The following NRXN1 variants were observed in gnomAD, a reference collection of about 807,000 sequenced individuals.
The protein encoded by NRXN1 is neurexin 1, also known as neurexin-1.
A neutral mutation model predicts 150.9 loss-of-function variants in NRXN1; 39 were observed. That is an observed-to-expected ratio of 0.26 (90% CI 0.20 to 0.34). NRXN1 has a LOEUF of 0.34. Among genes scored for constraint, NRXN1 ranks in the 10% least tolerant of loss-of-function variants. The pLI, the probability that NRXN1 is intolerant of heterozygous loss-of-function variation, is 1.00. For synonymous variants in NRXN1, 924 were observed against 757.0 expected (o/e 1.22, Z -3.62); for missense variants, 1,815 against 1,949.9 (o/e 0.93, Z 1.30).
intron 8 of NRXN1, among the ~76,000 whole-genome samples, chr2:50,561,907 T>C (rs1669143903): frequency 6.6e-6 from 1 of 152,214 alleles, no homozygotes; most frequent in Non-Finnish European, 1.5e-5. Context: ...TCTTTCATGA[T>C]CTTGCCGAAA....
At chr2:50,669,803 A>AAAAT (rs927732728) in intron 5 of NRXN1, among the ~76,000 whole-genome samples, 4 of 144,600 alleles carry the variant, frequency 2.8e-5, no homozygotes, top group Non-Finnish European at 6.0e-5. Context: ...ACAGCTACTC[A>AAAAT]AAATAAATAA....
At chr2:50,579,363 C>A (rs1177573837) in intron 8 of NRXN1, among the ~76,000 whole-genome samples, 1 of 152,206 alleles carries the variant, frequency 6.6e-6, no homozygotes, top group Non-Finnish European at 1.5e-5. Flanking sequence ...GAACCCTAAT[C>A]TAATTTAGAG....
intron 5 of NRXN1, among the ~76,000 whole-genome samples, chr2:50,862,151 G>C (rs952893430): frequency 2.0e-5 from 3 of 149,848 alleles, no homozygotes; most frequent in African/African-American, 7.4e-5. Context: ...TCAGTGAGCA[G>C]AGATTGTGCC....
chr2:50,458,210 A>C (rs899065539), intron 17 of NRXN1, among the ~76,000 whole-genome samples: 1 of 152,166 alleles, frequency 6.6e-6, no homozygotes, highest in African/African-American at 2.4e-5. Flanking sequence ...GTTCTCACTC[A>C]TATGTGCGAG....
At chr2:49,996,248 A>T (rs758732201) in intron 21 of NRXN1, among the ~76,000 whole-genome samples, 20 of 152,218 alleles carry the variant, frequency 1.3e-4, no homozygotes, top group Non-Finnish European at 2.5e-4. Context: ...AAGTAGAAAT[A>T]ACTGTCTTTG....
At chr2:50,113,473 C>T (rs1702637881) in intron 18 of NRXN1, among the ~76,000 whole-genome samples, 1 of 151,986 alleles carries the variant, frequency 6.6e-6, no homozygotes, top group Non-Finnish European at 1.5e-5. Flanking sequence ...ATTTTTTGTC[C>T]ATGGAAGTTC....
intron 8 of NRXN1, among the ~76,000 whole-genome samples, chr2:50,575,432 C>T (rs1326015096): frequency 6.6e-6 from 1 of 152,150 alleles, no homozygotes; most frequent in Non-Finnish European, 1.5e-5. Context: ...GGTAGGGATG[C>T]TCCCTAGAGG....
Position 50,800,530 on chromosome 2 carries a change from C to A in NRXN1, c.832+121339G>T, listed in dbSNP as rs187693823. Reference sequence around the variant, plus strand: ...CTCAGTGTAGTCACCTATGGAATAGCTATAAAATGAATAAATTAATAATGA... The same window carrying A: ...CTCAGTGTAGTCACCTATGGAATAGATATAAAATGAATAAATTAATAATGA... On this transcript the variant is annotated intron_variant, in intron 5 of 22. Coordinates refer to ENST00000401669, the MANE Select transcript of NRXN1 (RefSeq NM_001330078.2). 1.5e-3 allele frequency among the ~76,000 whole-genome samples: 227 copies of A among 152,230 alleles called. 1 individual carries two copies. The highest frequency in any genetic ancestry group is 5.3e-3 in the African/African-American group (221 of 41,540).
intron 2 of NRXN1, among the ~76,000 whole-genome samples, chr2:50,928,288 G>A (rs2104361858): frequency 6.6e-6 from 1 of 152,056 alleles, no homozygotes; most frequent in East Asian, 1.9e-4. Context: ...TGGTGATGAT[G>A]ATGAAGACAA....
chr2:50,764,824 G>A (rs1419078023), intron 5 of NRXN1, among the ~76,000 whole-genome samples: 2 of 151,978 alleles, frequency 1.3e-5, no homozygotes, highest in East Asian at 3.9e-4. Flanking sequence ...AAATGCTCAA[G>A]AGCATGATTT....
intron 18 of NRXN1, among the ~76,000 whole-genome samples, chr2:50,150,376 C>T (rs2058625430): frequency 6.6e-6 from 1 of 151,800 alleles, no homozygotes; most frequent in African/African-American, 2.4e-5. Flanking sequence ...GTTCTGTCTA[C>T]ACTTAGACAT....
At chr2:50,270,075 C>A (rs569886035) in intron 17 of NRXN1, among the ~76,000 whole-genome samples, 2 of 152,014 alleles carry the variant, frequency 1.3e-5, no homozygotes, top group African/African-American at 4.8e-5. Context: ...GAACTTCCCC[C>A]ATTATGTGTT....
At chr2:50,699,005 T>C (rs745936400) in intron 5 of NRXN1, among the ~76,000 whole-genome samples, 13 of 152,150 alleles carry the variant, frequency 8.5e-5, no homozygotes, top group Non-Finnish European at 1.5e-4. Context: ...AATAGTATTG[T>C]TAATTATCTT....
chr2:50,083,687 G>C (rs1384235271), intron 19 of NRXN1, among the ~76,000 whole-genome samples: 2 of 152,166 alleles, frequency 1.3e-5, no homozygotes, highest in East Asian at 3.9e-4. Context: ...ATTTTACAGA[G>C]AGCCGATTGG....
intron 2 of NRXN1, among the ~76,000 whole-genome samples, chr2:51,010,267 C>G (rs966152682): frequency 1.3e-5 from 2 of 151,922 alleles, no homozygotes; most frequent in Non-Finnish European, 2.9e-5. Flanking sequence ...TTTCTTTACC[C>G]TCTTCACTGA....
At chr2:50,224,429 A>G (rs936856369) in intron 18 of NRXN1, among the ~76,000 whole-genome samples, 6 of 152,106 alleles carry the variant, frequency 3.9e-5, no homozygotes, top group Non-Finnish European at 7.4e-5. Flanking sequence ...TGTGTGTTCC[A>G]CAGTAAGCAA....
intron 2 of NRXN1, among the ~76,000 whole-genome samples, chr2:51,017,970 T>G (rs950870709): frequency 7.2e-5 from 11 of 152,092 alleles, no homozygotes; most frequent in Non-Finnish European, 1.2e-4. Flanking sequence ...GGAACACCAT[T>G]ACTTAGAAGA....
chr2:50,471,319 T>C lies in NRXN1; in HGVS notation c.3244+979A>G, dbSNP rs571874101. ...CATGCTGTATGCTTTTGTGCACCCA[T>C]AGTGCAGCTCCCACTTATAAGTGAG... On this transcript the variant is annotated intron_variant, in intron 16 of 22. Coordinates refer to ENST00000401669, the MANE Select transcript of NRXN1 (RefSeq NM_001330078.2). Among the ~76,000 whole-genome samples, 9 of 151,862 alleles carry C rather than the reference T, an allele frequency of 5.9e-5. 1 individual carries two copies. In the East Asian group the frequency reaches 1.2e-3, roughly 20 times the overall value.
chr2:50,582,595 T>TAG (rs1672455496), intron 8 of NRXN1, among the ~76,000 whole-genome samples: 1 of 148,618 alleles, frequency 6.7e-6, no homozygotes, highest in Non-Finnish European at 1.5e-5. Flanking sequence ...GGGAAGCCAC[T>TAG]AGCAAAACTA....
Sources: gnomAD v4.1 joint callset for allele counts (sites outside exome capture counted in the v4.1 genomes callset) on GRCh38, gnomAD v4.1.1 for gene constraint, MANE v1.5 for transcripts, NCBI Gene and HGNC (gene_info 2026-07-23, HGNC 2026-07-21) for gene names.